The following DPP10 variants were observed in gnomAD, a reference collection of about 807,000 sequenced individuals.
DPP10 encodes inactive dipeptidyl peptidase 10.
In DPP10, 33 loss-of-function variants were observed where a neutral mutation model predicts 120.9. That is an observed-to-expected ratio of 0.27 (90% CI 0.21 to 0.37). The LOEUF (loss-of-function observed/expected upper bound fraction) is 0.37. DPP10 is among the 10% of genes least tolerant of loss of function. DPP10 has a pLI of 1.00. For synonymous variants in DPP10, 337 were observed against 326.1 expected (o/e 1.03, Z -0.36); for missense variants, 816 against 942.8 (o/e 0.87, Z 1.76).
chr2:114,899,754 G>C (rs967811115), intron 1 of DPP10, among the ~76,000 whole-genome samples: 1 of 152,030 alleles, frequency 6.6e-6, no homozygotes, highest in South Asian at 2.1e-4. Context: ...TCAGGAGATC[G>C]AGACCATCCT....
intron 3 of DPP10, among the ~76,000 whole-genome samples, chr2:115,384,601 GGAA>G (rs757764122): frequency 7.5e-5 from 10 of 133,632 alleles, no homozygotes; most frequent in Admixed American, 1.5e-4. Flanking sequence ...GGAAGAAGGA[GGAA>G]GAAGAAGTGA....
intron 3 of DPP10, among the ~76,000 whole-genome samples, chr2:115,389,503 T>C (rs2067183889): frequency 6.6e-6 from 1 of 152,228 alleles, no homozygotes. Context: ...CACATGAGCC[T>C]GATACTTGGA....
At chr2:114,700,597 G>T (rs961830271) in intron 1 of DPP10, among the ~76,000 whole-genome samples, 3 of 151,932 alleles carry the variant, frequency 2.0e-5, no homozygotes, top group African/African-American at 4.8e-5. Flanking sequence ...TTTTCCTTTT[G>T]TCATCCTACA....
chr2:114,682,728 T>A (rs2105718689), intron 1 of DPP10, among the ~76,000 whole-genome samples: 1 of 151,902 alleles, frequency 6.6e-6, no homozygotes, highest in Non-Finnish European at 1.5e-5. Flanking sequence ...GATACTATCC[T>A]CCCAGGTAAG....
intron 1 of DPP10, among the ~76,000 whole-genome samples, chr2:114,947,186 T>C (rs1697427860): frequency 6.6e-6 from 1 of 152,080 alleles, no homozygotes; most frequent in South Asian, 2.1e-4. Flanking sequence ...CTTCATATAT[T>C]TTGAGGCTAA....
At chr2:114,525,157 T>A (rs1237003908) in intron 1 of DPP10, among the ~76,000 whole-genome samples, 1 of 152,216 alleles carries the variant, frequency 6.6e-6, no homozygotes, top group African/African-American at 2.4e-5. Context: ...TTATATTGTA[T>A]TAGAAATAAA....
intron 3 of DPP10, among the ~76,000 whole-genome samples, chr2:115,379,219 A>T (rs1243596874): frequency 2.6e-5 from 4 of 152,284 alleles, no homozygotes; most frequent in African/African-American, 9.6e-5. Flanking sequence ...GATTATTGCC[A>T]CAATTTCAGA....
rs184734615 is a variant in DPP10, at chr2:114,664,474, C to T, written c.60+221636C>T. On this transcript the variant is annotated intron_variant, in intron 1 of 25. Coordinates refer to ENST00000410059, the MANE Select transcript of DPP10 (RefSeq NM_020868.6). ...TGAAACCCCGTCTCTACTAAAAATA[C>T]AAAACTTAGCCGGGTGTGGTGGTGC... Among the ~76,000 whole-genome samples, 26 of 151,778 alleles carry T rather than the reference C, an allele frequency of 1.7e-4. No homozygotes were observed. In the East Asian group the frequency reaches 4.9e-3, roughly 29 times the overall value.
At chr2:115,668,181 G>C (rs903022099) in intron 5 of DPP10, among the ~76,000 whole-genome samples, 1 of 152,028 alleles carries the variant, frequency 6.6e-6, no homozygotes, top group African/African-American at 2.4e-5. Context: ...ATTATAGGGA[G>C]TTGTGCCAAT....
chr2:115,070,198 C>T (rs1010061373), intron 1 of DPP10, among the ~76,000 whole-genome samples: 3 of 152,084 alleles, frequency 2.0e-5, no homozygotes, highest in Non-Finnish European at 2.9e-5. Context: ...TTACACATCT[C>T]TTTGTGTTTA....
chr2:115,687,787 A>G (rs1304836587), intron 5 of DPP10, among the ~76,000 whole-genome samples: 1 of 152,084 alleles, frequency 6.6e-6, no homozygotes, highest in African/African-American at 2.4e-5. Flanking sequence ...GCAGAAAGAG[A>G]CCAAGATTCA....
chr2:114,535,014 T>A (rs924003428), intron 1 of DPP10, among the ~76,000 whole-genome samples: 2 of 152,174 alleles, frequency 1.3e-5, no homozygotes, highest in African/African-American at 4.8e-5. Context: ...TTACTTCTTA[T>A]CCACTTGCTT....
chr2:115,084,738 C>T (rs1373881414), intron 1 of DPP10, among the ~76,000 whole-genome samples: 2 of 152,148 alleles, frequency 1.3e-5, no homozygotes, highest in Non-Finnish European at 2.9e-5. Context: ...TCAGGCTCTC[C>T]GCCAGTTTGT....
chr2:115,467,780 T>C (rs1174606651), intron 3 of DPP10, among the ~76,000 whole-genome samples: 3 of 152,170 alleles, frequency 2.0e-5, no homozygotes, highest in African/African-American at 7.2e-5. Context: ...GAATATTTAT[T>C]AACTAGAACA....
chr2:114,762,014 T>C (rs572359676), intron 1 of DPP10, among the ~76,000 whole-genome samples: 1 of 152,146 alleles, frequency 6.6e-6, no homozygotes, highest in Admixed American at 6.5e-5. Flanking sequence ...GCTGCTACTT[T>C]CCCTGTCTCA....
intron 1 of DPP10, among the ~76,000 whole-genome samples, chr2:114,744,835 C>T (rs1379743036): frequency 6.6e-6 from 1 of 152,098 alleles, no homozygotes; most frequent in Non-Finnish European, 1.5e-5. Flanking sequence ...AATCTCGGCC[C>T]ACTGCAACCT....
At chr2:114,483,512 C>T (rs1047713287) in intron 1 of DPP10, among the ~76,000 whole-genome samples, 15 of 151,938 alleles carry the variant, frequency 9.9e-5, no homozygotes, top group East Asian at 1.9e-4. Context: ...ATCCTGAAAG[C>T]GCTTTTTGGA....
chr2:115,303,181 C>T (rs537397550), intron 1 of DPP10, among the ~76,000 whole-genome samples: 2 of 151,808 alleles, frequency 1.3e-5, no homozygotes, highest in Non-Finnish European at 2.9e-5. Flanking sequence ...TTCAGACATA[C>T]TATTCAGATG....
chr2:115,171,358 CAAAAA>C (rs752738778), intron 1 of DPP10, among the ~76,000 whole-genome samples: 3 of 114,388 alleles, frequency 2.6e-5, no homozygotes, highest in South Asian at 2.8e-4. Flanking sequence ...GAGACTCCAT[CAAAAA>C]AAAAAAAAAA....
Sources: gnomAD v4.1 joint callset for allele counts (sites outside exome capture counted in the v4.1 genomes callset) on GRCh38, gnomAD v4.1.1 for gene constraint, MANE v1.5 for transcripts, NCBI Gene and HGNC (gene_info 2026-07-23, HGNC 2026-07-21) for gene names.